Variants in CLPB observed in about 807,000 individuals in gnomAD.
CLPB encodes mitochondrial disaggregase.
In CLPB, 40 loss-of-function variants were observed where a neutral mutation model predicts 78.4. The observed-to-expected ratio is 0.51, with a 90% CI of 0.40 to 0.66. CLPB has a LOEUF of 0.66. Among genes scored for constraint, CLPB ranks in the 30% least tolerant of loss-of-function variants. The pLI is 0.00. For missense variants in CLPB, 780 were observed against 886.9 expected (o/e 0.88, Z 1.53); for synonymous variants, 333 against 348.0 (o/e 0.96, Z 0.48).
At chr11:72,338,452 C>T (rs375735298) in intron 5 of CLPB, among the ~76,000 whole-genome samples, 51 of 152,308 alleles carry the variant, frequency 3.3e-4, no homozygotes, top group African/African-American at 1.2e-3. Flanking sequence ...GCTCTTTCCA[C>T]CTACACTGTC....
intron 2 of CLPB, among the ~76,000 whole-genome samples, chr11:72,426,543 A>AAGGG (rs916392785): frequency 1.4e-5 from 2 of 142,228 alleles, no homozygotes; most frequent in East Asian, 2.5e-4. Flanking sequence ...GTCACACAGG[A>AAGGG]AGGGAGGGAG....
chr11:72,430,445 T>C (rs764166207), intron 1 of CLPB, 82 bp from the exon 2 acceptor site: 3 of 1,218,822 alleles, frequency 2.5e-6, no homozygotes, highest in East Asian at 2.4e-5. Flanking sequence ...ACTAAGACAG[T>C]GGCAGTACTT....
intron 11 of CLPB, 26 bp from the exon 12 acceptor site, chr11:72,295,674 C>A (rs756724612): frequency 6.2e-7 from 1 of 1,612,386 alleles, no homozygotes; most frequent in Non-Finnish European, 8.5e-7. Context: ...AGGGAGTGTA[C>A]AGTCAGGGAG....
chr11:72,294,150 T>A (rs1565418387), intron 14 of CLPB, 24 bp from the exon 15 acceptor site: 1 of 1,611,152 alleles, frequency 6.2e-7, no homozygotes, highest in Non-Finnish European at 8.5e-7. Flanking sequence ...GATAGAAGCA[T>A]GCCTGCATGT....
At chr11:72,427,257 A>G (rs1856412253) in intron 2 of CLPB, among the ~76,000 whole-genome samples, 2 of 152,200 alleles carry the variant, frequency 1.3e-5, no homozygotes, top group African/African-American at 4.8e-5. Flanking sequence ...GGGGCTAAGG[A>G]CAGGAGCTGG....
rs763369482 is a variant in CLPB, at chr11:72,287,690, C to A, written c.*5677G>T. Reference sequence around the variant, plus strand: ...GTGCTCAAAAAGGATAAAATTTTAACCACCTTTCCAGTTTCTTCTTGGGTA... The same window carrying A: ...GTGCTCAAAAAGGATAAAATTTTAAACACCTTTCCAGTTTCTTCTTGGGTA... On this transcript the variant is annotated 3_prime_UTR_variant, in exon 16 of 16. Transcript: ENST00000538039. 1 of 152,192 alleles carries A rather than the reference C, an allele frequency of 6.6e-6. No homozygotes were observed. The highest frequency in any genetic ancestry group is 1.5e-5 in the Non-Finnish European group (1 of 68,040). 9.4% of individuals were successfully genotyped at this position (152,192 alleles called of 1,614,324 possible). A position where few individuals can be genotyped will look rare whatever the true frequency, so the allele number is the denominator to read the frequency against.
rs67807556 is a variant in CLPB at position 72,297,636 on chromosome 11, GGTGTGTGTGTGTGTGTGTGTGTGTGT to G, written c.1330-2014_1330-1989del. ...AGGGCAGTTCTAGTTTTGGGGACCA[GGTGTGTGTGTGTGTGTGTGTGTGTGT>G]GTGTGTGTGTGTGTGTGTGTGTGTG... On this transcript the variant is annotated intron_variant, in intron 11 of 15. Transcript: ENST00000538039. 2.5e-3 allele frequency among the ~76,000 whole-genome samples: 229 copies of G among 93,464 alleles called. 3 individuals carry two copies. The highest frequency in any genetic ancestry group is 0.024 in the South Asian group (49 of 2,066). 61.3% of individuals were successfully genotyped at this position (93,464 alleles called of 152,430 possible). A position where few individuals can be genotyped will look rare whatever the true frequency, so the allele number is the denominator to read the frequency against.
chr11:72,360,557 C>T (rs532255042), intron 4 of CLPB, among the ~76,000 whole-genome samples: 47 of 152,210 alleles, frequency 3.1e-4, no homozygotes, highest in African/African-American at 1.1e-3. Context: ...CTGCCTTAGC[C>T]TCCCGAGTAG....
chr11:72,386,016 C>T lies in CLPB; in HGVS notation c.543-5632G>A, dbSNP rs139776756. Among the ~76,000 whole-genome samples, 6 of 152,196 alleles carry T rather than the reference C, an allele frequency of 3.9e-5. No individual in the cohort carries two copies. The East Asian group carries it at 1.2e-3, about 29-fold the overall frequency. ...TAAAATTTACATCAAAAAGTATAAGCATTTTAAGAGTTTTATAAATATTAC... is the reference window on the plus strand; with the variant it reads ...TAAAATTTACATCAAAAAGTATAAGTATTTTAAGAGTTTTATAAATATTAC... On this transcript the variant is annotated intron_variant, in intron 3 of 15. Coordinates refer to ENST00000538039, the MANE Select transcript of CLPB (RefSeq NM_001258392.3).
chr11:72,370,794 T>TATC (rs1176020441), intron 4 of CLPB, among the ~76,000 whole-genome samples: 5 of 152,218 alleles, frequency 3.3e-5, no homozygotes. Context: ...CCCTTGCAGC[T>TATC]ATCATCATCA....
rs573436097 is a variant in CLPB at position 72,430,497 on chromosome 11, A to G, written c.404-134T>C. 1.8e-3 allele frequency: 1,213 copies of G among 686,440 alleles called. 26 individuals carry two copies. The South Asian group carries it at 0.022, about 12-fold the overall frequency. The allele number at this position is 686,440 out of a possible 1,614,324, so 42.5% of individuals were successfully genotyped here. On this transcript the variant is annotated intron_variant, in intron 1 of 15. Coordinates refer to ENST00000538039, the MANE Select transcript of CLPB (RefSeq NM_001258392.3). ...GACAAGCAAACTGATGTCACAATAT[A>G]TAATGAGAAACGAATCATTCCCTCC...
At chr11:72,383,898 G>A (rs945459935) in intron 3 of CLPB, among the ~76,000 whole-genome samples, 4 of 152,278 alleles carry the variant, frequency 2.6e-5, no homozygotes, top group South Asian at 2.1e-4. Flanking sequence ...AGAAAAGGAT[G>A]CTAATTAGCA....
chr11:72,317,636 T>G (rs1198210605), intron 6 of CLPB, among the ~76,000 whole-genome samples: 1 of 152,260 alleles, frequency 6.6e-6, no homozygotes, highest in Non-Finnish European at 1.5e-5. Flanking sequence ...GAATAAATGC[T>G]TAATAAGTAT....
Position 72,434,100 on chromosome 11 carries a change from A to G in CLPB, c.375T>C (p.His125=). ...TGTTGGACGGACTCTTGCTGTAGCA[A>G]TGAACCACCAGCGCTGCGGCCAGGG... is the stretch of plus-strand genomic sequence containing the variant. ...MCALAAALVV[H]CYSKSPSNKD... is the part of the protein sequence containing the mutation. The change falls in exon 1 of 16, where the codon CAT becomes CAC. Residue 125 remains histidine, a synonymous_variant. Coordinates refer to ENST00000538039, the MANE Select transcript of CLPB (RefSeq NM_001258392.3). The G allele has an allele frequency of 1.6e-5, 25 of 1,611,622 alleles. No homozygotes were observed. Among genetic ancestry groups the G allele is most frequent in the Non-Finnish European group, 2.1e-5 (25 of 1,180,006 alleles).
At chr11:72,360,661 T>G (rs1950821709) in intron 4 of CLPB, among the ~76,000 whole-genome samples, 1 of 152,046 alleles carries the variant, frequency 6.6e-6, no homozygotes, top group Admixed American at 6.5e-5. Context: ...GGTCTCAAAC[T>G]CCCGACCTCA....
intron 3 of CLPB, among the ~76,000 whole-genome samples, chr11:72,397,955 G>A (rs1393248994): frequency 1.3e-5 from 2 of 152,356 alleles, no homozygotes; most frequent in African/African-American, 2.4e-5. Context: ...TAAAACTCAT[G>A]AGACTATTTT....
chr11:72,365,795 T>C (rs940310748), intron 4 of CLPB, among the ~76,000 whole-genome samples: 4 of 152,046 alleles, frequency 2.6e-5, no homozygotes, highest in East Asian at 1.9e-4. Context: ...TCAACAAATA[T>C]AAGCAACGGG....
intron 4 of CLPB, among the ~76,000 whole-genome samples, chr11:72,378,542 C>A (rs1020079711): frequency 2.0e-5 from 3 of 152,150 alleles, no homozygotes; most frequent in African/African-American, 7.2e-5. Context: ...AATTACTTTT[C>A]CCTAGGTCCC....
intron 3 of CLPB, among the ~76,000 whole-genome samples, chr11:72,382,178 A>T (rs1345664029): frequency 6.6e-6 from 1 of 151,940 alleles, no homozygotes; most frequent in African/African-American, 2.4e-5. Flanking sequence ...GCTCCAGCAG[A>T]CTCAAGGTCC....
Sources: allele counts gnomAD v4.1 joint callset (sites outside exome capture counted in the v4.1 genomes callset), GRCh38; gene constraint gnomAD v4.1.1; transcripts MANE v1.5; gene names NCBI Gene and HGNC (gene_info 2026-07-23, HGNC 2026-07-21).